Variants in LOXL2 observed in about 807,000 individuals in gnomAD.
LOXL2 encodes lysyl oxidase like 2, also known as lysyl oxidase homolog 2.
A neutral mutation model predicts 93.0 loss-of-function variants in LOXL2; 70 were observed. The observed-to-expected ratio is 0.75, with a 90% confidence interval of 0.62 to 0.92. The LOEUF is 0.92. Among genes scored for constraint, LOXL2 ranks in the 40% least tolerant of loss-of-function variants. LOXL2 has a pLI of 0.00. For missense variants in LOXL2, 973 were observed against 1,054.9 expected (o/e 0.92, Z 1.08); for synonymous variants, 438 against 413.2 (o/e 1.06, Z -0.73).
At chr8:23,321,535 T>C (rs1185034142) in intron 7 of LOXL2, among the ~76,000 whole-genome samples, 4 of 152,160 alleles carry the variant, frequency 2.6e-5, no homozygotes, top group Admixed American at 2.0e-4. Flanking sequence ...CCAGTGACAA[T>C]GGAGCGTATG....
At chr8:23,359,192 A>G (rs1255783338) in intron 3 of LOXL2, among the ~76,000 whole-genome samples, 2 of 152,106 alleles carry the variant, frequency 1.3e-5, no homozygotes, top group East Asian at 1.9e-4. Flanking sequence ...CCTCAGCTAC[A>G]TTGGCCAGTG....
In LOXL2 at chr8:23,320,075, C is replaced by T. The variant is rs574269390; in HGVS notation, c.1303-23G>A. Reference sequence around the variant, plus strand: ...CAGCTGCAGACACAAAGGCAGGCCACGGTCACCAAGAGGGACAAGGGAGCT... The same window carrying T: ...CAGCTGCAGACACAAAGGCAGGCCATGGTCACCAAGAGGGACAAGGGAGCT... On this transcript the variant is annotated intron_variant, in intron 7 of 13. Transcript: ENST00000389131. 101 of 1,612,070 alleles carry T rather than the reference C, an allele frequency of 6.3e-5. 1 individual carries two copies. In the Middle Eastern group the frequency reaches 6.6e-4, roughly 11 times the overall value.
At chr8:23,385,656 T>C in intron 1 of LOXL2, 1 of 454,134 alleles carries the variant, frequency 2.2e-6, no homozygotes, top group Non-Finnish European at 4.0e-6. Context: ...ATGTGAGAAG[T>C]GCTAAGACAG....
intron 3 of LOXL2, among the ~76,000 whole-genome samples, chr8:23,348,466 G>A (rs1488879875): frequency 6.6e-6 from 1 of 152,142 alleles, no homozygotes. Flanking sequence ...CTCCCAGGAG[G>A]CTGAGGTGGG....
intron 1 of LOXL2, among the ~76,000 whole-genome samples, chr8:23,379,224 A>G (rs1173313605): frequency 1.3e-5 from 2 of 151,438 alleles, no homozygotes; most frequent in Non-Finnish European, 2.9e-5. Context: ...TTGCCTGGGT[A>G]TCAGCAGCAG....
intron 2 of LOXL2, 42 bp downstream of exon 2, chr8:23,367,955 T>G: frequency 1.9e-6 from 3 of 1,547,316 alleles, no homozygotes; most frequent in Non-Finnish European, 2.6e-6. Context: ...CTCCGGGCCT[T>G]GCCAGGTGAC....
chr8:23,320,241 C>T (rs1333810896), intron 7 of LOXL2, among the ~76,000 whole-genome samples, 189 bp from the exon 8 acceptor site: 1 of 152,198 alleles, frequency 6.6e-6, no homozygotes, highest in East Asian at 1.9e-4. Flanking sequence ...AGTGAGGTCC[C>T]CACCCCAGGC....
chr8:23,382,944 C>T (rs996666961), intron 1 of LOXL2, among the ~76,000 whole-genome samples: 22 of 152,182 alleles, frequency 1.4e-4, no homozygotes, highest in African/African-American at 4.8e-4. Flanking sequence ...CACCTGCTCC[C>T]ACCCTCAATT....
intron 3 of LOXL2, among the ~76,000 whole-genome samples, chr8:23,343,110 C>T (rs1026560574): frequency 7.9e-5 from 12 of 152,172 alleles, no homozygotes; most frequent in African/African-American, 2.9e-4. Context: ...CTATGTAATA[C>T]CCTAATATTG....
intron 1 of LOXL2, chr8:23,386,165 C>A (rs1212284852): frequency 1.7e-5 from 11 of 654,288 alleles, no homozygotes; most frequent in Non-Finnish European, 2.8e-5. Context: ...CACCCTTATT[C>A]ACTAATTGTT....
intron 4 of LOXL2, among the ~76,000 whole-genome samples, chr8:23,335,113 C>T (rs140380041): frequency 1.6e-4 from 24 of 152,300 alleles, no homozygotes; most frequent in African/African-American, 5.3e-4. Flanking sequence ...TCACGCCAGA[C>T]CATAAATCTG....
intron 2 of LOXL2, among the ~76,000 whole-genome samples, chr8:23,360,740 GATGATGATGATA>G (rs1563201820): frequency 6.6e-6 from 1 of 152,124 alleles, no homozygotes; most frequent in Non-Finnish European, 1.5e-5. Flanking sequence ...TAAAAATAGT[GATGATGATGATA>G]ATGATGACGA....
At position 23,347,594 on chromosome 8, in the gene LOXL2, G is replaced by A. The variant is rs890260620; in HGVS notation, c.532-6391C>T. Among the ~76,000 whole-genome samples, 9 of 152,306 alleles carry A rather than the reference G, an allele frequency of 5.9e-5. No individual in the cohort carries two copies. In the East Asian group the frequency reaches 1.2e-3, roughly 20 times the overall value. On this transcript the variant is annotated intron_variant, in intron 3 of 13. Transcript: ENST00000389131. The stretch of plus-strand genomic sequence containing the variant: ...GAACCCAGGAGGCGGAGTTTGCAGT[G>A]AGCAAAGATTGCACCACTGCACTCC...
Position 23,307,953 on chromosome 8 carries a change from G to GGAAAAAAAA in LOXL2, c.1880+1714_1880+1715insTTTTTTTTC, listed in dbSNP as rs58347035. On this transcript the variant is annotated intron_variant, in intron 10 of 13. Coordinates refer to ENST00000389131, the MANE Select transcript of LOXL2 (RefSeq NM_002318.3). The stretch of plus-strand genomic sequence containing the variant: ...GTGACTAGGTCATCAGCTGCGATAT[G>GGAAAAAAAA]AAAAAAAAAAAAAAAAAAAAGCCAA... Among the ~76,000 whole-genome samples the GGAAAAAAAA allele has an allele frequency of 5.3e-3, 447 of 83,552 alleles. 192 individuals are homozygous for GGAAAAAAAA. The highest frequency in any genetic ancestry group is 0.026 in the Middle Eastern group (2 of 78). 54.8% of individuals were successfully genotyped at this position (83,552 alleles called of 152,430 possible). A position where few individuals can be genotyped will look rare whatever the true frequency, so the allele number is the denominator to read the frequency against.
At chr8:23,350,291 C>T (rs995803529) in intron 3 of LOXL2, among the ~76,000 whole-genome samples, 1 of 152,154 alleles carries the variant, frequency 6.6e-6, no homozygotes, top group African/African-American at 2.4e-5. Flanking sequence ...TAAGAGGCTG[C>T]TGGGGGACTG....
chr8:23,354,932 A>AATATATATATATATATATAT (rs770424807), intron 3 of LOXL2, among the ~76,000 whole-genome samples: 22 of 59,182 alleles, frequency 3.7e-4, no homozygotes, highest in South Asian at 1.4e-3. Context: ...TGGGAGTTGG[A>AATATATATATATATATATAT]ATATATATAT....
Position 23,297,919 on chromosome 8 carries a change from C to G in LOXL2, c.*124G>C. On this transcript the variant is annotated 3_prime_UTR_variant, in exon 14 of 14. Coordinates refer to ENST00000389131, the MANE Select transcript of LOXL2 (RefSeq NM_002318.3). ...TGAGCTTAGACACAGCTGTAGGGGT[C>G]TGGACAGGGTGGGGGCCGGGCTGGG... The G allele has an allele frequency of 5.4e-6, 4 of 734,990 alleles. No homozygotes were observed. The highest frequency in any genetic ancestry group is 9.5e-6 in the Non-Finnish European group (4 of 423,000). The allele number at this position is 734,990 out of a possible 1,614,324, so 45.5% of individuals were successfully genotyped here.
intron 1 of LOXL2, among the ~76,000 whole-genome samples, chr8:23,377,725 G>A (rs968486868): frequency 1.3e-5 from 2 of 151,956 alleles, no homozygotes; most frequent in Admixed American, 6.6e-5. Flanking sequence ...ATCTTTGTTG[G>A]TTTAAAGTCT....
chr8:23,385,224 G>A (rs1804740796), intron 1 of LOXL2, among the ~76,000 whole-genome samples: 1 of 150,800 alleles, frequency 6.6e-6, no homozygotes, highest in African/African-American at 2.4e-5. Context: ...TTCTGTGGAA[G>A]AGAAAGTTGG....
Sources: allele counts gnomAD v4.1 joint callset (sites outside exome capture counted in the v4.1 genomes callset), GRCh38; gene constraint gnomAD v4.1.1; transcripts MANE v1.5; gene names NCBI Gene and HGNC (gene_info 2026-07-23, HGNC 2026-07-21).